PARN: variants seen among roughly 807,000 people sequenced by gnomAD.
The protein encoded by PARN is poly(A)-specific ribonuclease, also known as poly(A)-specific ribonuclease PARN.
Under a neutral mutation model 102.8 loss-of-function variants are expected in PARN, and 71 were observed. The ratio of observed to expected loss-of-function variants is 0.69; its 90% CI spans 0.57 to 0.84. PARN has a LOEUF of 0.84. PARN is among the 40% of genes least tolerant of loss of function. The pLI, the probability that PARN is intolerant of heterozygous loss-of-function variation, is 0.00. For missense variants in PARN, 782 were observed against 760.9 expected (o/e 1.03, Z -0.33); for synonymous variants, 261 against 252.9 (o/e 1.03, Z -0.30).
chr16:14,563,412 G>C (rs529085264), intron 18 of PARN, among the ~76,000 whole-genome samples: 1 of 152,164 alleles, frequency 6.6e-6, no homozygotes, highest in East Asian at 1.9e-4. Flanking sequence ...AGATCTGGCT[G>C]GCAGGCCACT....
At chr16:14,457,797 C>T (rs1427527066) in intron 22 of PARN, among the ~76,000 whole-genome samples, 2 of 30,154 alleles carry the variant, frequency 6.6e-5, no homozygotes, top group Admixed American at 5.2e-4. Context: ...GACTCTGTCT[C>T]AAAAAAAAAA....
chr16:14,499,172 G>T (rs562180035), intron 21 of PARN, among the ~76,000 whole-genome samples: 5 of 152,156 alleles, frequency 3.3e-5, no homozygotes, highest in African/African-American at 1.2e-4. Context: ...TCCCTGTTAC[G>T]GGGGCTGTTG....
chr16:14,482,874 T>C, intron 21 of PARN, 47 bp from the exon 22 acceptor site: 1 of 1,477,270 alleles, frequency 6.8e-7, no homozygotes, highest in Non-Finnish European at 9.1e-7. Context: ...AAGTCTGGCC[T>C]AGCCCCAAAG....
chr16:14,484,259 C>T (rs567100708), intron 21 of PARN, among the ~76,000 whole-genome samples: 1 of 152,284 alleles, frequency 6.6e-6, no homozygotes, highest in Non-Finnish European at 1.5e-5. Context: ...CATGCTGCCC[C>T]CTCTTCTGAG....
At chr16:14,619,553 A>G (rs765200464) in intron 5 of PARN, among the ~76,000 whole-genome samples, 4 of 152,030 alleles carry the variant, frequency 2.6e-5, no homozygotes, top group African/African-American at 4.8e-5. Context: ...CTTGAGCCCA[A>G]GACTTCGAGA....
chr16:14,436,517 C>T lies in PARN; in HGVS notation c.*200G>A, dbSNP rs559054223. On this transcript the variant is annotated 3_prime_UTR_variant, in exon 24 of 24. Transcript: ENST00000437198. ...CTACAACCGTGATGAGTGTCAATGT[C>T]AACAGGCAGTTAGATTAAAAAGGGG... 1 of 602,180 alleles carries T rather than the reference C, an allele frequency of 1.7e-6. No homozygotes were observed. Among genetic ancestry groups the T allele is most frequent in the Admixed American group, 2.9e-5 (1 of 34,222 alleles). 37.3% of individuals were successfully genotyped at this position (602,180 alleles called of 1,614,324 possible).
intron 12 of PARN, among the ~76,000 whole-genome samples, chr16:14,594,008 A>T (rs1970358455): frequency 6.6e-6 from 1 of 152,090 alleles, no homozygotes. Flanking sequence ...AAAAAAAAAA[A>T]GTAAAATCTG....
chr16:14,627,338 T>C lies in PARN; in HGVS notation c.178-2A>G. 1 of 1,580,472 alleles carries C rather than the reference T, an allele frequency of 6.3e-7. No individual in the cohort carries two copies. Among genetic ancestry groups the C allele is most frequent in the Non-Finnish European group, 8.6e-7 (1 of 1,161,614 alleles). ...AAATAGCAAAAAGTCCATGGAATGC[T>C]GGAAAAGGGAAATAAAACATCTGTC... On this transcript the variant is annotated splice_acceptor_variant, in intron 3 of 23. Transcript: ENST00000437198. LOFTEE classifies it high-confidence loss of function.
intron 23 of PARN, among the ~76,000 whole-genome samples, chr16:14,437,146 C>T (rs185236959): frequency 1.3e-5 from 2 of 152,174 alleles, no homozygotes; most frequent in African/African-American, 4.8e-5. Context: ...TAAAAGCCCA[C>T]CAAGGTGGTA....
chr16:14,450,154 C>G (rs1235075379), intron 22 of PARN, among the ~76,000 whole-genome samples: 1 of 152,084 alleles, frequency 6.6e-6, no homozygotes, highest in African/African-American at 2.4e-5. Context: ...TCTCAAAGAA[C>G]CGAAAATGAT....
chr16:14,620,179 C>T (rs1184436112), intron 5 of PARN, among the ~76,000 whole-genome samples: 1 of 151,656 alleles, frequency 6.6e-6, no homozygotes, highest in Non-Finnish European at 1.5e-5. Flanking sequence ...AGATCGAGAC[C>T]ACCCTGGCTA....
chr16:14,540,706 T>C (rs1279220481), intron 21 of PARN, among the ~76,000 whole-genome samples: 2 of 152,052 alleles, frequency 1.3e-5, no homozygotes, highest in African/African-American at 2.4e-5. Context: ...GGCAGGCAGA[T>C]TGCTGGAGGC....
chr16:14,593,768 G>A (rs535523638), intron 12 of PARN, among the ~76,000 whole-genome samples: 3 of 152,134 alleles, frequency 2.0e-5, no homozygotes, highest in Non-Finnish European at 2.9e-5. Context: ...AGGTCAAGGC[G>A]GGTGGATCAC....
intron 18 of PARN, among the ~76,000 whole-genome samples, chr16:14,556,330 T>C (rs1022786736): frequency 9.2e-5 from 14 of 151,740 alleles, no homozygotes; most frequent in Admixed American, 3.3e-4. Flanking sequence ...AGCTAATTTT[T>C]TGTATTTTTA....
chr16:14,542,072 T>C (rs1211795849), intron 21 of PARN, among the ~76,000 whole-genome samples: 1 of 151,536 alleles, frequency 6.6e-6, no homozygotes, highest in Non-Finnish European at 1.5e-5. Flanking sequence ...TGGCGTGATA[T>C]TGGTTCAATG....
chr16:14,517,580 G>A (rs1965520073), intron 21 of PARN, among the ~76,000 whole-genome samples: 1 of 152,240 alleles, frequency 6.6e-6, no homozygotes, highest in Admixed American at 6.5e-5. Context: ...AATAGAATAT[G>A]CTTGACGACT....
At chr16:14,614,983 G>A (rs1029440928) in intron 6 of PARN, among the ~76,000 whole-genome samples, 11 of 151,714 alleles carry the variant, frequency 7.3e-5, no homozygotes, top group Non-Finnish European at 1.3e-4. Flanking sequence ...GAAAACCACC[G>A]GGGATGGAGA....
At chr16:14,614,180 C>T (rs1971715444) in intron 6 of PARN, among the ~76,000 whole-genome samples, 1 of 151,868 alleles carries the variant, frequency 6.6e-6, no homozygotes, top group South Asian at 2.1e-4. Context: ...TCACTTGGGC[C>T]CAGGAGGTCA....
chr16:14,483,629 A>T (rs2151598656), intron 21 of PARN, among the ~76,000 whole-genome samples: 1 of 152,292 alleles, frequency 6.6e-6, no homozygotes, highest in East Asian at 1.9e-4. Context: ...CACGCAAATT[A>T]AGATAAAGAA....
Sources: allele counts gnomAD v4.1 joint callset (sites outside exome capture counted in the v4.1 genomes callset), GRCh38; gene constraint gnomAD v4.1.1; transcripts MANE v1.5; gene names NCBI Gene and HGNC (gene_info 2026-07-23, HGNC 2026-07-21).